ST18: variants seen among roughly 807,000 people sequenced by gnomAD.
The protein encoded by ST18 is suppression of tumorigenicity 18 protein.
Under a neutral mutation model 110.0 loss-of-function variants are expected in ST18, and 50 were observed. The observed-to-expected ratio is 0.45, with a 90% CI of 0.36 to 0.58. ST18 has a LOEUF of 0.58. Ranked by LOEUF, ST18 falls within the 20% of genes least tolerant of loss-of-function variation. The pLI, the probability that ST18 is intolerant of heterozygous loss-of-function variation, is 0.00. For synonymous variants in ST18, 461 were observed against 452.4 expected (o/e 1.02, Z -0.24); for missense variants, 1,306 against 1,280.1 (o/e 1.02, Z -0.31).
intron 2 of ST18, among the ~76,000 whole-genome samples, chr8:52,258,276 A>G (rs139820950): frequency 6.6e-5 from 10 of 152,130 alleles, no homozygotes; most frequent in Admixed American, 2.0e-4. Flanking sequence ...GTGAATTTCT[A>G]TATAAAACTT....
chr8:52,166,812 C>A, intron 11 of ST18, 40 bp downstream of exon 11: 2 of 1,493,598 alleles, frequency 1.3e-6, no homozygotes, highest in South Asian at 1.4e-5. Context: ...GATGATCTGG[C>A]GTGCATAAGC....
At chr8:52,268,468 CATCTATCTATCTATCTATCT>C (rs55683613) in intron 2 of ST18, among the ~76,000 whole-genome samples, 15 of 148,718 alleles carry the variant, frequency 1.0e-4, no homozygotes, top group South Asian at 2.2e-4. Flanking sequence ...ATCTATCTAT[CATCTATCTATCTATCTATCT>C]ATCTATCTAT....
chr8:52,387,954 C>T (rs1262667813), intron 2 of ST18, among the ~76,000 whole-genome samples: 3 of 140,654 alleles, frequency 2.1e-5, no homozygotes, highest in African/African-American at 7.6e-5. Flanking sequence ...AGCACCCTCC[C>T]CACCCCCCCG....
At chr8:52,408,354 A>G (rs1845252140) in intron 2 of ST18, among the ~76,000 whole-genome samples, 1 of 152,214 alleles carries the variant, frequency 6.6e-6, no homozygotes, top group Non-Finnish European at 1.5e-5. Flanking sequence ...TGTGCAATAA[A>G]TGTATTCACC....
At chr8:52,273,403 T>TA (rs1163463146) in intron 2 of ST18, among the ~76,000 whole-genome samples, 1 of 152,192 alleles carries the variant, frequency 6.6e-6, no homozygotes, top group Non-Finnish European at 1.5e-5. Flanking sequence ...GAGATCTTAA[T>TA]AAAAATCGTT....
chr8:52,376,772 G>A (rs1832551269), intron 2 of ST18, among the ~76,000 whole-genome samples: 1 of 152,160 alleles, frequency 6.6e-6, no homozygotes, highest in African/African-American at 2.4e-5. Context: ...GGAAGTCCAG[G>A]TGGAAGCCCC....
Position 52,180,164 on chromosome 8 carries a change from C to T in ST18, c.235G>A (p.Glu79Lys). Residue 79 changes from glutamate to lysine, a missense_variant, in exon 9 of 26, where the codon GAG becomes AAG. Transcript: ENST00000689386. ...DCQEDRSDRT[E>K]DDGPLETHGH... is the part of the protein sequence containing the mutation. ...TGTGTTTCCAAGGGGCCATCGTCCT[C>T]TGTCCTGTCACTGCGGTCTTCTTGG... 1 of 1,614,112 alleles carries T rather than the reference C, an allele frequency of 6.2e-7. No individual in the cohort carries two copies. Among genetic ancestry groups the T allele is most frequent in the Non-Finnish European group, 8.5e-7 (1 of 1,180,016 alleles).
At chr8:52,365,866 T>G (rs74821389) in intron 2 of ST18, among the ~76,000 whole-genome samples, 1 of 135,848 alleles carries the variant, frequency 7.4e-6, no homozygotes, top group South Asian at 2.3e-4. Flanking sequence ...GCCTAGCTAA[T>G]TTTTTTTTTT....
intron 13 of ST18, 69 bp from the exon 14 acceptor site, chr8:52,161,637 A>G: frequency 6.5e-7 from 1 of 1,534,134 alleles, no homozygotes; most frequent in Admixed American, 1.8e-5. Context: ...TAGTGTCAGA[A>G]TTTACAGTAG....
intron 22 of ST18, among the ~76,000 whole-genome samples, chr8:52,129,364 A>G (rs577408326): frequency 9.0e-4 from 136 of 151,148 alleles, no homozygotes; most frequent in African/African-American, 3.0e-3. Flanking sequence ...TGAGGCAGAA[A>G]AATCGCTTGA....
intron 2 of ST18, among the ~76,000 whole-genome samples, chr8:52,389,151 G>A (rs911481972): frequency 2.0e-5 from 3 of 152,124 alleles, no homozygotes; most frequent in African/African-American, 7.2e-5. Flanking sequence ...TGGCTGTGGG[G>A]CTCCCAGGCC....
intron 2 of ST18, among the ~76,000 whole-genome samples, chr8:52,351,536 A>G (rs1590159729): frequency 1.3e-5 from 2 of 152,354 alleles, no homozygotes; most frequent in South Asian, 4.1e-4. Flanking sequence ...CTCTCATGAC[A>G]TAACAGCATC....
intron 8 of ST18, among the ~76,000 whole-genome samples, chr8:52,200,006 C>T (rs1344379924): frequency 1.3e-5 from 2 of 152,166 alleles, no homozygotes; most frequent in African/African-American, 4.8e-5. Flanking sequence ...GACTTGTAGG[C>T]TGTTAGCTTT....
intron 2 of ST18, chr8:52,404,301 C>T (rs1169836639): frequency 6.6e-6 from 1 of 152,100 alleles, no homozygotes; most frequent in Non-Finnish European, 1.5e-5. Context: ...TTAAACGAGA[C>T]AGCACATTCA....
intron 2 of ST18, among the ~76,000 whole-genome samples, chr8:52,366,921 T>G (rs775504269): frequency 6.6e-6 from 1 of 152,158 alleles, no homozygotes; most frequent in Non-Finnish European, 1.5e-5. Context: ...ATGAACTGAT[T>G]GATTAAACAG....
chr8:52,344,497 T>C (rs1590095308), intron 2 of ST18, among the ~76,000 whole-genome samples: 1 of 151,384 alleles, frequency 6.6e-6, no homozygotes, highest in Non-Finnish European at 1.5e-5. Flanking sequence ...ACCTCCCGGG[T>C]TCAAGCCATT....
chr8:52,180,088 G>A (rs1311164725), intron 9 of ST18, 34 bp downstream of exon 9: 1 of 1,606,566 alleles, frequency 6.2e-7, no homozygotes, highest in Non-Finnish European at 8.5e-7. Flanking sequence ...TGGAGCCAGG[G>A]AGCAGGTAAA....
chr8:52,376,881 CA>C (rs1399390016), intron 2 of ST18, among the ~76,000 whole-genome samples: 4 of 152,192 alleles, frequency 2.6e-5, no homozygotes, highest in Non-Finnish European at 5.9e-5. Flanking sequence ...TAAGCTCAGT[CA>C]ATTTGGACTT....
chr8:52,287,118 T>A (rs567868034), intron 2 of ST18, among the ~76,000 whole-genome samples: 1 of 152,250 alleles, frequency 6.6e-6, no homozygotes, highest in Non-Finnish European at 1.5e-5. Flanking sequence ...TTCCAAAAAA[T>A]CTAGAATTTC....
Sources: gnomAD v4.1 joint callset for allele counts (sites outside exome capture counted in the v4.1 genomes callset) on GRCh38, gnomAD v4.1.1 for gene constraint, MANE v1.5 for transcripts, NCBI Gene and HGNC (gene_info 2026-07-23, HGNC 2026-07-21) for gene names.